NAALADL2: variants seen among roughly 807,000 people sequenced by gnomAD.
NAALADL2 encodes inactive N-acetylated-alpha-linked acidic dipeptidase-like protein 2.
Under a neutral mutation model 87.2 loss-of-function variants are expected in NAALADL2, and 76 were observed. The ratio of observed to expected loss-of-function variants is 0.87; its 90% CI spans 0.72 to 1.05. The LOEUF is 1.05. Among genes scored for constraint, NAALADL2 ranks in the 50% least tolerant of loss-of-function variants. NAALADL2 has a pLI of 0.00. For synonymous variants in NAALADL2, 354 were observed against 331.0 expected (o/e 1.07, Z -0.75); for missense variants, 1,089 against 945.8 (o/e 1.15, Z -1.99).
intron 2 of NAALADL2, among the ~76,000 whole-genome samples, chr3:174,573,085 T>G (rs1304217229): frequency 6.6e-6 from 1 of 152,142 alleles, no homozygotes; most frequent in African/African-American, 2.4e-5. Flanking sequence ...CATCACTACC[T>G]ACTGTATGTA....
intron 2 of NAALADL2, among the ~76,000 whole-genome samples, chr3:174,582,461 T>C (rs1030435478): frequency 6.6e-6 from 1 of 152,244 alleles, no homozygotes; most frequent in Non-Finnish European, 1.5e-5. Flanking sequence ...AGTTTGAATA[T>C]ACCAACAATC....
chr3:175,653,572 C>T (rs959680910), intron 11 of NAALADL2, among the ~76,000 whole-genome samples: 29 of 152,158 alleles, frequency 1.9e-4, no homozygotes, highest in Non-Finnish European at 1.9e-4. Flanking sequence ...TCCCCCAGCC[C>T]CCACCACCTT....
intron 3 of NAALADL2, among the ~76,000 whole-genome samples, chr3:174,745,639 A>G (rs1734182566): frequency 6.6e-6 from 1 of 152,172 alleles, no homozygotes; most frequent in African/African-American, 2.4e-5. Flanking sequence ...CAACGACAAC[A>G]AAAAGAAAAC....
At chr3:175,595,279 T>C (rs961206085) in intron 10 of NAALADL2, among the ~76,000 whole-genome samples, 1 of 152,092 alleles carries the variant, frequency 6.6e-6, no homozygotes. Flanking sequence ...CTTGTTTTTG[T>C]TGGCTTTGTC....
intron 2 of NAALADL2, among the ~76,000 whole-genome samples, chr3:174,609,942 C>G (rs371302337): frequency 2.0e-5 from 3 of 152,122 alleles, no homozygotes; most frequent in African/African-American, 2.4e-5. Flanking sequence ...ACCAAAACAG[C>G]ATGGTACTGG....
intron 2 of NAALADL2, among the ~76,000 whole-genome samples, chr3:174,594,438 G>A (rs1435851057): frequency 2.0e-5 from 3 of 152,150 alleles, no homozygotes; most frequent in African/African-American, 7.2e-5. Flanking sequence ...AAAGAATAAT[G>A]CTTAGAATAA....
chr3:174,684,315 T>A (rs2108835169), intron 2 of NAALADL2, among the ~76,000 whole-genome samples: 1 of 152,236 alleles, frequency 6.6e-6, no homozygotes, highest in East Asian at 1.9e-4. Flanking sequence ...GAATGGGTAT[T>A]CAAGATTATT....
chr3:175,201,421 C>T (rs1740006104), intron 2 of NAALADL2, among the ~76,000 whole-genome samples: 1 of 152,076 alleles, frequency 6.6e-6, no homozygotes, highest in African/African-American at 2.4e-5. Flanking sequence ...GTAATTTTTC[C>T]CCTATGGAAA....
chr3:174,758,506 T>G (rs142455732), intron 3 of NAALADL2, among the ~76,000 whole-genome samples: 1 of 152,274 alleles, frequency 6.6e-6, no homozygotes, highest in East Asian at 1.9e-4. Flanking sequence ...ATAGAGTAGG[T>G]TAAGTACATG....
chr3:174,599,923 TG>T lies in NAALADL2; in HGVS notation c.-115+49287del, dbSNP rs1718276495. On this transcript the variant is annotated intron_variant, in intron 2 of 3. Transcript: ENST00000434257. Reference sequence around the variant, plus strand: ...CATTATCAATAGTGGAGTAAGTCTTTGAAGAAGACAAATAAGGAAAGAAATG... The same window carrying T: ...CATTATCAATAGTGGAGTAAGTCTTTAAGAAGACAAATAAGGAAAGAAATG... 3.3e-5 allele frequency among the ~76,000 whole-genome samples: 5 copies of T among 152,208 alleles called. No homozygotes were observed. The South Asian group carries it at 1.0e-3, about 32-fold the overall frequency.
intron 3 of NAALADL2, among the ~76,000 whole-genome samples, chr3:174,829,294 T>A (rs1579101641): frequency 7.1e-6 from 1 of 141,260 alleles, no homozygotes; most frequent in Admixed American, 7.5e-5. Flanking sequence ...GTCCCCAGAG[T>A]GTGATGTTCC....
At chr3:174,461,830 T>C (rs981600740) in intron 1 of NAALADL2, among the ~76,000 whole-genome samples, 2 of 151,880 alleles carry the variant, frequency 1.3e-5, no homozygotes, top group African/African-American at 4.8e-5. Context: ...CCTCCCACAC[T>C]GTGTGTGTGT....
At chr3:175,325,711 A>G (rs982707355) in intron 5 of NAALADL2, among the ~76,000 whole-genome samples, 6 of 152,214 alleles carry the variant, frequency 3.9e-5, no homozygotes, top group African/African-American at 9.7e-5. Flanking sequence ...TAAATACAGA[A>G]TTCAGTCATA....
chr3:175,572,151 C>G (rs1476119331), intron 9 of NAALADL2, among the ~76,000 whole-genome samples: 1 of 152,096 alleles, frequency 6.6e-6, no homozygotes, highest in Non-Finnish European at 1.5e-5. Context: ...ACTGTGTTGT[C>G]CCTGAAGCCT....
At chr3:174,909,857 A>T (rs1733466089) in intron 1 of NAALADL2, among the ~76,000 whole-genome samples, 1 of 152,092 alleles carries the variant, frequency 6.6e-6, no homozygotes, top group African/African-American at 2.4e-5. Context: ...TTCCTTTAGG[A>T]TTCCCAGGCA....
chr3:175,203,639 A>G (rs890402820), intron 2 of NAALADL2, among the ~76,000 whole-genome samples: 3 of 152,144 alleles, frequency 2.0e-5, no homozygotes, highest in Non-Finnish European at 4.4e-5. Context: ...ACCACAATCT[A>G]GTCCTGCCTC....
At chr3:175,799,155 T>A (rs1666594118) in intron 13 of NAALADL2, among the ~76,000 whole-genome samples, 1 of 151,706 alleles carries the variant, frequency 6.6e-6, no homozygotes, top group Non-Finnish European at 1.5e-5. Flanking sequence ...TTGTACTCTC[T>A]CTTAAATTCT....
At chr3:174,678,442 A>G (rs1578517808) in intron 2 of NAALADL2, among the ~76,000 whole-genome samples, 1 of 152,184 alleles carries the variant, frequency 6.6e-6, no homozygotes, top group Non-Finnish European at 1.5e-5. Context: ...CTTTACATGT[A>G]GGATGCCAAA....
intron 1 of NAALADL2, among the ~76,000 whole-genome samples, chr3:174,443,279 C>A (rs1247206646): frequency 2.0e-5 from 3 of 151,946 alleles, no homozygotes; most frequent in Non-Finnish European, 4.4e-5. Context: ...TGGCTTAGAC[C>A]CGGATGATAG....
Sources: allele counts gnomAD v4.1 joint callset (sites outside exome capture counted in the v4.1 genomes callset), GRCh38; gene constraint gnomAD v4.1.1; transcripts MANE v1.5; gene names NCBI Gene and HGNC (gene_info 2026-07-23, HGNC 2026-07-21).